VPS37A: variants seen among roughly 807,000 people sequenced by gnomAD.
VPS37A encodes the protein VPS37A subunit of ESCRT-I, also known as vacuolar protein sorting-associated protein 37A.
In VPS37A, 30 loss-of-function variants were observed where a neutral mutation model predicts 49.8. The observed-to-expected ratio is 0.60, with a 90% confidence interval of 0.45 to 0.82. The LOEUF (loss-of-function observed/expected upper bound fraction) is 0.82, where lower values mean the gene tolerates loss of function less well. Ranked by LOEUF, VPS37A falls within the 40% of genes least tolerant of loss-of-function variation. The pLI, the probability that VPS37A is intolerant of heterozygous loss-of-function variation, is 0.00. For synonymous variants in VPS37A, 195 were observed against 160.6 expected (o/e 1.21, Z -1.62); for missense variants, 593 against 464.4 (o/e 1.28, Z -2.55).
At chr8:17,291,430 A>ATTTTTTTTTTTTTT in intron 11 of VPS37A, among the ~76,000 whole-genome samples, 1 of 129,032 alleles carries the variant, frequency 7.8e-6, no homozygotes, top group Non-Finnish European at 1.6e-5. Flanking sequence ...GGATTCATTG[A>ATTTTTTTTTTTTTT]TTTTTTTTTT....
At chr8:17,314,752 C>T in the VPS37A span, among the ~76,000 whole-genome samples, 1 of 152,226 alleles carries the variant, frequency 6.6e-6, no homozygotes, top group East Asian at 1.9e-4. Flanking sequence ...ATTCCAAAAT[C>T]TTCCTTCCAA....
Position 17,280,138 on chromosome 8 carries a change from G to C in VPS37A, c.824G>C (p.Ser275Thr), listed in dbSNP as rs1207062950. 24 of 1,612,404 alleles carry C rather than the reference G, an allele frequency of 1.5e-5. No homozygotes were observed. The highest frequency in any genetic ancestry group is 2.0e-5 in the Non-Finnish European group (23 of 1,179,228). ...ACCGACAAAGATGACTTAGTAAAAA[G>C]TATTGAGGAACTAGCAAGTATGTTT... The part of the protein sequence containing the change: ...IITDKDDLVK[S>T]IEELARKNLL... The change falls in exon 7 of 12, where the codon AGT becomes ACT. Residue 275 changes from serine to threonine, a missense_variant. Transcript: ENST00000324849.
At chr8:17,266,328 C>T (rs996497640) in intron 2 of VPS37A, among the ~76,000 whole-genome samples, 1 of 152,206 alleles carries the variant, frequency 6.6e-6, no homozygotes, top group African/African-American at 2.4e-5. Context: ...ATAGATTCAC[C>T]TTTAAATCAG....
chr8:17,271,250 C>T (rs536143276), intron 4 of VPS37A, among the ~76,000 whole-genome samples: 202 of 152,270 alleles, frequency 1.3e-3, no homozygotes, highest in African/African-American at 4.7e-3. Flanking sequence ...GTCTGTTAGC[C>T]TCTTTTTCAT....
rs34051181 is a variant in VPS37A at position 17,291,430 on chromosome 8, A to ATT, written c.*1-3541_*1-3540dup. Among the ~76,000 whole-genome samples the ATT allele has an allele frequency of 3.4e-3, 434 of 129,020 alleles. 4 individuals are homozygous for ATT. Among genetic ancestry groups the ATT allele is most frequent in the South Asian group, 0.012 (51 of 4,164 alleles). 84.6% of individuals were successfully genotyped at this position (129,020 alleles called of 152,430 possible). A position where few individuals can be genotyped will look rare whatever the true frequency, so the allele number is the denominator to read the frequency against. ...TTCAAAACAGCTGCTGGATTCATTG[A>ATT]TTTTTTTTTTTTTTTTTGAAGGGTT... is the stretch of plus-strand genomic sequence containing the variant. On this transcript the variant is annotated intron_variant, in intron 11 of 11. Transcript: ENST00000324849.
chr8:17,292,548 A>G (rs1329843133), intron 11 of VPS37A, among the ~76,000 whole-genome samples: 1 of 152,152 alleles, frequency 6.6e-6, no homozygotes, highest in East Asian at 1.9e-4. Context: ...CAGTTTCTTC[A>G]TAGTATCAAT....
intron 9 of VPS37A, among the ~76,000 whole-genome samples, chr8:17,282,564 G>A (rs1016182975): frequency 1.3e-5 from 2 of 152,060 alleles, no homozygotes; most frequent in Admixed American, 6.5e-5. Context: ...AAAGGGTACA[G>A]ATATTTTTAG....
chr8:17,291,575 G>T (rs1816160286), intron 11 of VPS37A, among the ~76,000 whole-genome samples: 1 of 151,476 alleles, frequency 6.6e-6, no homozygotes, highest in Non-Finnish European at 1.5e-5. Flanking sequence ...TTAGGGTGTT[G>T]ATTTTTTAGA....
chr8:17,319,726 A>G, the VPS37A span, among the ~76,000 whole-genome samples: 2 of 152,186 alleles, frequency 1.3e-5, no homozygotes, highest in Non-Finnish European at 2.9e-5. Flanking sequence ...CTTGTCCAGC[A>G]TCTCCCAGCT....
chr8:17,324,367 G>T, the VPS37A span, among the ~76,000 whole-genome samples: 3 of 152,184 alleles, frequency 2.0e-5, no homozygotes, highest in Non-Finnish European at 1.5e-5. Flanking sequence ...CAGGGTAGAT[G>T]CACTCTCCAT....
intron 1 of VPS37A, among the ~76,000 whole-genome samples, chr8:17,262,074 C>T (rs902172452): frequency 1.3e-5 from 2 of 151,916 alleles, no homozygotes; most frequent in African/African-American, 2.4e-5. Context: ...AATCGTGAGT[C>T]GAGGGGAAAT....
intron 4 of VPS37A, among the ~76,000 whole-genome samples, chr8:17,272,523 C>G (rs1814090221): frequency 6.6e-6 from 1 of 152,060 alleles, no homozygotes. Flanking sequence ...GGATATAGTA[C>G]CATTATTAAA....
At position 17,284,551 on chromosome 8, in the gene VPS37A, G is replaced by A. The variant is rs1203559634; in HGVS notation, c.1048G>A (p.Glu350Lys). 2 of 1,601,480 alleles carry A rather than the reference G, an allele frequency of 1.2e-6. No homozygotes were observed. The highest frequency in any genetic ancestry group is 1.1e-5 in the South Asian group (1 of 88,432). ...EAEEESDNIAEDFLEGKMEID... is the reference protein window; with the variant it reads ...EAEEESDNIAKDFLEGKMEID... Reference sequence around the variant, plus strand: ...TGAGGAAGAATCTGATAATATTGCAGAAGACTTCTTGGAGGGAAAGATGGA... The same window carrying A: ...TGAGGAAGAATCTGATAATATTGCAAAAGACTTCTTGGAGGGAAAGATGGA... Residue 350 changes from glutamate to lysine, a missense_variant, in exon 10 of 12, where the codon GAA (glutamate) becomes AAA (lysine). By Grantham distance (56) the Glu-to-Lys change is moderately conservative (BLOSUM62 1). Coordinates refer to ENST00000324849, the MANE Select transcript of VPS37A (RefSeq NM_152415.3).
At chr8:17,250,743 T>C (rs758393763) in intron 1 of VPS37A, among the ~76,000 whole-genome samples, 1 of 152,170 alleles carries the variant, frequency 6.6e-6, no homozygotes, top group Non-Finnish European at 1.5e-5. Flanking sequence ...TAAATTCTTA[T>C]CTCCTCAGCT....
chr8:17,268,475 A>G (rs1414184005), intron 3 of VPS37A, 103 bp downstream of exon 3: 3 of 864,242 alleles, frequency 3.5e-6, no homozygotes, highest in African/African-American at 1.7e-5. Flanking sequence ...TCATTTTGTC[A>G]TGAGTACTTT....
chr8:17,317,800 T>C, the VPS37A span, among the ~76,000 whole-genome samples: 2 of 152,078 alleles, frequency 1.3e-5, no homozygotes, highest in African/African-American at 4.8e-5. Context: ...AAATTGCAGC[T>C]TTTTTTTCTA....
chr8:17,249,027 C>G (rs1030330575), intron 1 of VPS37A, among the ~76,000 whole-genome samples: 1 of 152,184 alleles, frequency 6.6e-6, no homozygotes, highest in Non-Finnish European at 1.5e-5. Flanking sequence ...GACTATATAC[C>G]AAACCAGTCC....
intron 4 of VPS37A, among the ~76,000 whole-genome samples, chr8:17,273,246 C>T (rs1586004312): frequency 6.6e-6 from 1 of 152,136 alleles, no homozygotes; most frequent in East Asian, 1.9e-4. Context: ...GTCAGTGCTG[C>T]TCCAGTAAAT....
chr8:17,260,371 T>G (rs1812861088), intron 1 of VPS37A, among the ~76,000 whole-genome samples: 1 of 152,178 alleles, frequency 6.6e-6, no homozygotes, highest in Non-Finnish European at 1.5e-5. Context: ...CATTTTGACT[T>G]TTAATTGTCT....
Sources: gnomAD v4.1 joint callset for allele counts (sites outside exome capture counted in the v4.1 genomes callset) on GRCh38, gnomAD v4.1.1 for gene constraint, MANE v1.5 for transcripts, NCBI Gene and HGNC (gene_info 2026-07-23, HGNC 2026-07-21) for gene names.